Variants in RAD51B observed in about 807,000 individuals in gnomAD.
The protein encoded by RAD51B is DNA repair protein RAD51 homolog 2.
Under a neutral mutation model 42.2 loss-of-function variants are expected in RAD51B, and 38 were observed. The ratio of observed to expected loss-of-function variants is 0.90; its 90% CI spans 0.70 to 1.18. The LOEUF (loss-of-function observed/expected upper bound fraction) is 1.18, where lower values mean the gene tolerates loss of function less well. Ranked by LOEUF, RAD51B falls within the 50% of genes most tolerant of loss-of-function variation. The pLI, the probability that RAD51B is intolerant of heterozygous loss-of-function variation, is 0.00. For synonymous variants in RAD51B, 154 were observed against 145.2 expected (o/e 1.06, Z -0.43); for missense variants, 373 against 400.7 (o/e 0.93, Z 0.59).
At chr14:68,429,152 C>T (rs1477968388) in intron 9 of RAD51B, among the ~76,000 whole-genome samples, 1 of 152,146 alleles carries the variant, frequency 6.6e-6, no homozygotes, top group African/African-American at 2.4e-5. Context: ...TCCAGTCTAT[C>T]ATTGATGGAC....
intron 7 of RAD51B, among the ~76,000 whole-genome samples, chr14:68,062,660 T>A (rs2076585811): frequency 1.3e-5 from 2 of 151,550 alleles, no homozygotes; most frequent in Non-Finnish European, 2.9e-5. Context: ...TACAAAAAAA[T>A]TAGCTGGCCA....
chr14:68,034,296 T>C (rs1222271536), intron 7 of RAD51B, among the ~76,000 whole-genome samples: 4 of 151,476 alleles, frequency 2.6e-5, no homozygotes, highest in Non-Finnish European at 5.9e-5. Context: ...GGTGGGAACA[T>C]GGTCTTGCTC....
At chr14:68,441,940 G>A (rs554703324) in intron 9 of RAD51B, among the ~76,000 whole-genome samples, 3 of 152,278 alleles carry the variant, frequency 2.0e-5, no homozygotes, top group South Asian at 2.1e-4. Context: ...TTTGGCTGAC[G>A]ACTTCCTCTT....
chr14:68,610,841 ATATG>A (rs1353942225), intron 10 of RAD51B, among the ~76,000 whole-genome samples: 47 of 71,236 alleles, frequency 6.6e-4, no homozygotes, highest in African/African-American at 2.4e-3. Context: ...ATCTGAATGT[ATATG>A]TGTGTGTGTG....
At chr14:68,561,208 A>G (rs1594974724) in intron 10 of RAD51B, among the ~76,000 whole-genome samples, 1 of 152,156 alleles carries the variant, frequency 6.6e-6, no homozygotes, top group Non-Finnish European at 1.5e-5. Flanking sequence ...CGCTTCCACA[A>G]CGTCTGGTGA....
chr14:68,159,874 C>G (rs1289872669), intron 7 of RAD51B, among the ~76,000 whole-genome samples: 3 of 152,062 alleles, frequency 2.0e-5, no homozygotes, highest in Non-Finnish European at 4.4e-5. Context: ...CACTTATTAA[C>G]CCAATTACTT....
chr14:68,324,543 T>A (rs184345061), intron 8 of RAD51B, among the ~76,000 whole-genome samples: 2 of 152,334 alleles, frequency 1.3e-5, no homozygotes, highest in Admixed American at 1.3e-4. Flanking sequence ...TCAAGTGGCA[T>A]CTTCTAATGA....
At chr14:68,596,919 C>T (rs1370223191), downstream of RAD51B, among the ~76,000 whole-genome samples, 1 of 152,222 alleles carries the variant, frequency 6.6e-6, no homozygotes, top group Non-Finnish European at 1.5e-5. Flanking sequence ...CAGCCGGTCA[C>T]CTCTGCTGCT....
intron 10 of RAD51B, among the ~76,000 whole-genome samples, chr14:68,531,121 A>G (rs1204190863): frequency 1.3e-5 from 2 of 151,976 alleles, no homozygotes; most frequent in Admixed American, 6.5e-5. Flanking sequence ...AAAGCAGAAT[A>G]TAGAAAATCT....
intron 11 of RAD51B, among the ~76,000 whole-genome samples, chr14:68,665,283 A>G (rs1416169013): frequency 6.6e-6 from 1 of 152,268 alleles, no homozygotes; most frequent in Non-Finnish European, 1.5e-5. Flanking sequence ...GGATGACGCC[A>G]TTGGGTACTC....
At chr14:68,679,074 A>G (rs1893372312) in intron 11 of RAD51B, among the ~76,000 whole-genome samples, 1 of 152,230 alleles carries the variant, frequency 6.6e-6, no homozygotes, top group Non-Finnish European at 1.5e-5. Flanking sequence ...TATAATTAGA[A>G]AAGTAAATAT....
At chr14:68,187,979 T>G (rs1442174443) in intron 7 of RAD51B, among the ~76,000 whole-genome samples, 1 of 152,100 alleles carries the variant, frequency 6.6e-6, no homozygotes, top group Non-Finnish European at 1.5e-5. Context: ...GATGGCCAGC[T>G]AATTTTTGTA....
intron 7 of RAD51B, among the ~76,000 whole-genome samples, chr14:68,025,069 A>G (rs2075930783): frequency 1.3e-5 from 2 of 151,722 alleles, no homozygotes; most frequent in Admixed American, 6.6e-5. Flanking sequence ...GGGAAGTTGG[A>G]TTTTATTGAA....
intron 7 of RAD51B, among the ~76,000 whole-genome samples, chr14:68,005,045 GTTTTTTT>G (rs753867497): frequency 1.3e-5 from 1 of 79,498 alleles, no homozygotes; most frequent in Non-Finnish European, 2.4e-5. Flanking sequence ...GTGTGTGTGT[GTTTTTTT>G]TTTTTTTTTT....
chr14:68,184,985 T>C (rs953022343), intron 7 of RAD51B, among the ~76,000 whole-genome samples: 1 of 152,200 alleles, frequency 6.6e-6, no homozygotes, highest in Admixed American at 6.5e-5. Context: ...CTGAAAAATA[T>C]TGGAAACCTA....
chr14:67,918,722 T>G (rs2044233128), intron 7 of RAD51B, among the ~76,000 whole-genome samples: 1 of 152,174 alleles, frequency 6.6e-6, no homozygotes, highest in Non-Finnish European at 1.5e-5. Flanking sequence ...AGTGTCAGAC[T>G]TAACTCAAAA....
At chr14:68,612,123 C>T (rs1013726973), downstream of RAD51B, among the ~76,000 whole-genome samples, 2 of 152,222 alleles carry the variant, frequency 1.3e-5, no homozygotes, top group African/African-American at 4.8e-5. Flanking sequence ...ATAGCTGTTG[C>T]TCTTAAGGAG....
intron 7 of RAD51B, among the ~76,000 whole-genome samples, chr14:68,091,349 C>T (rs1007383801): frequency 1.3e-5 from 2 of 152,158 alleles, no homozygotes; most frequent in Non-Finnish European, 2.9e-5. Context: ...TTCTCCATAT[C>T]CTCTCCAGCA....
intron 9 of RAD51B, among the ~76,000 whole-genome samples, chr14:68,435,012 C>G (rs2085111604): frequency 6.6e-6 from 1 of 152,180 alleles, no homozygotes; most frequent in African/African-American, 2.4e-5. Flanking sequence ...GATAAGTTTA[C>G]AAGTTTTAAA....
Sources: gnomAD v4.1 joint callset for allele counts (sites outside exome capture counted in the v4.1 genomes callset) on GRCh38, gnomAD v4.1.1 for gene constraint, MANE v1.5 for transcripts, NCBI Gene and HGNC (gene_info 2026-07-23, HGNC 2026-07-21) for gene names.